PTPRA: variants seen among roughly 807,000 people sequenced by gnomAD.
PTPRA encodes receptor-type tyrosine-protein phosphatase alpha.
A neutral mutation model predicts 104.8 loss-of-function variants in PTPRA; 25 were observed. That is an observed-to-expected ratio of 0.24 (90% confidence interval 0.17 to 0.33). The LOEUF is 0.33. PTPRA is among the 10% of genes least tolerant of loss of function. PTPRA has a pLI of 1.00. For missense variants in PTPRA, 765 were observed against 1,015.3 expected (o/e 0.75, Z 3.35); for synonymous variants, 323 against 368.9 (o/e 0.88, Z 1.43).
intron 1 of PTPRA, among the ~76,000 whole-genome samples, chr20:2,893,774 A>G (rs1202545333): frequency 6.6e-6 from 1 of 152,174 alleles, no homozygotes; most frequent in Admixed American, 6.5e-5. Context: ...ACCAAAGAGT[A>G]TGTAAAAGCA....
chr20:2,866,089 A>C, the PTPRA span: 1 of 822,298 alleles, frequency 1.2e-6, no homozygotes. Flanking sequence ...GATTATATGT[A>C]CTGACGGGTG....
intron 2 of PTPRA, among the ~76,000 whole-genome samples, chr20:2,927,748 GC>G (rs1220220582): frequency 3.3e-5 from 5 of 152,156 alleles, no homozygotes; most frequent in Non-Finnish European, 7.3e-5. Context: ...GGTGGCTCAT[GC>G]CTGTAACCCC....
In PTPRA at chr20:3,022,346, C is replaced by T. The variant is rs925578141; in HGVS notation, c.1328+126C>T. ...AGTAGATGACCTACTGGGGCACCAGCGCAACAGCCAGAGACTCCAAGTTCT... is the reference window on the plus strand; with the variant it reads ...AGTAGATGACCTACTGGGGCACCAGTGCAACAGCCAGAGACTCCAAGTTCT... On this transcript the variant is annotated intron_variant, in intron 15 of 23. Coordinates refer to ENST00000399903, the MANE Select transcript of PTPRA (RefSeq NM_001385305.1). This position sits in a 1 kb window ranked among gnomAD's most constrained non-coding sequence, Gnocchi z 4.6. The T allele has an allele frequency of 8.1e-6, 10 of 1,234,484 alleles. No individual in the cohort carries two copies. Among genetic ancestry groups the T allele is most frequent in the South Asian group, 4.4e-5 (3 of 68,040 alleles). The allele number at this position is 1,234,484 out of a possible 1,614,324, so 76.5% of individuals were successfully genotyped here. A position where few individuals can be genotyped will look rare whatever the true frequency, so the allele number is the denominator to read the frequency against.
At chr20:2,984,049 T>G (rs1416304921) in intron 6 of PTPRA, among the ~76,000 whole-genome samples, 1 of 151,594 alleles carries the variant, frequency 6.6e-6, no homozygotes, top group East Asian at 1.9e-4. Flanking sequence ...GAGGAGTGTT[T>G]CGTTGTGGAA....
intron 17 of PTPRA, among the ~76,000 whole-genome samples, chr20:3,024,989 A>G (rs770462800): frequency 6.6e-6 from 1 of 152,270 alleles, no homozygotes; most frequent in Non-Finnish European, 1.5e-5. Context: ...AAAGGCAGCC[A>G]TAACCAATAG....
intron 2 of PTPRA, among the ~76,000 whole-genome samples, chr20:2,937,244 C>T (rs1435129321): frequency 6.6e-6 from 1 of 151,798 alleles, no homozygotes; most frequent in Non-Finnish European, 1.5e-5. Flanking sequence ...CTGCCTCAGC[C>T]CCTCCGAGTA....
chr20:2,874,348 AT>A (rs548056783), intron 1 of PTPRA, among the ~76,000 whole-genome samples: 1 of 151,860 alleles, frequency 6.6e-6, no homozygotes, highest in Non-Finnish European at 1.5e-5. Context: ...TAAATAAAAA[AT>A]TTTTTTTGAA....
At chr20:2,900,354 CCTGA>C (rs1196142025) in intron 1 of PTPRA, among the ~76,000 whole-genome samples, 2 of 152,090 alleles carry the variant, frequency 1.3e-5, no homozygotes, top group Non-Finnish European at 2.9e-5. Flanking sequence ...GTGACAATCT[CCTGA>C]CTATGTAGGC....
At chr20:2,942,276 A>G (rs555374149) in intron 2 of PTPRA, among the ~76,000 whole-genome samples, 1 of 152,174 alleles carries the variant, frequency 6.6e-6, no homozygotes, top group Non-Finnish European at 1.5e-5. Flanking sequence ...GTTGTGGTAT[A>G]ATTATAACAT....
At chr20:2,866,671 T>C in the PTPRA span, 4 of 1,537,078 alleles carry the variant, frequency 2.6e-6, no homozygotes, top group Non-Finnish European at 1.8e-6. Flanking sequence ...CCTAGAGCAA[T>C]GCTGAGGAGC....
At chr20:3,013,521 TC>T (rs1394289265) in intron 11 of PTPRA, among the ~76,000 whole-genome samples, 1 of 151,884 alleles carries the variant, frequency 6.6e-6, no homozygotes, top group African/African-American at 2.4e-5. Context: ...CAAGCAATTC[TC>T]CTGCCTCAGC....
At chr20:2,949,798 C>A (rs1308550285) in intron 3 of PTPRA, among the ~76,000 whole-genome samples, 1 of 151,178 alleles carries the variant, frequency 6.6e-6, no homozygotes, top group Admixed American at 6.6e-5. Flanking sequence ...TTTTTAAAAT[C>A]TTGAATTCAT....
At chr20:2,871,900 G>A (rs1178526449), upstream of PTPRA, among the ~76,000 whole-genome samples, 1 of 152,228 alleles carries the variant, frequency 6.6e-6, no homozygotes, top group East Asian at 1.9e-4. Flanking sequence ...GGCTGGCCCT[G>A]CTGAGAGGGA....
At chr20:2,998,705 G>C (rs1170373214) in intron 9 of PTPRA, among the ~76,000 whole-genome samples, 4 of 152,106 alleles carry the variant, frequency 2.6e-5, no homozygotes, top group Non-Finnish European at 4.4e-5. Context: ...TATTGGGTGA[G>C]AGTATTGAAA....
At chr20:2,890,417 T>C (rs952821770) in intron 1 of PTPRA, among the ~76,000 whole-genome samples, 1 of 152,210 alleles carries the variant, frequency 6.6e-6, no homozygotes, top group East Asian at 1.9e-4. Flanking sequence ...TGGGTTCAGC[T>C]GTAGTACTCT....
chr20:2,955,531 C>G, intron 3 of PTPRA: 1 of 719,048 alleles, frequency 1.4e-6, no homozygotes, highest in Non-Finnish European at 1.7e-6. Context: ...AAGGTCTCTT[C>G]TCTTGTTTTG....
chr20:2,872,774 C>T (rs1322275548), upstream of PTPRA, among the ~76,000 whole-genome samples: 3 of 152,200 alleles, frequency 2.0e-5, 1 homozygote, highest in Admixed American at 2.0e-4. The surrounding 1 kb of genome is among the most constrained non-coding windows in gnomAD (Gnocchi z 7.9). Flanking sequence ...GGAGGGCGCA[C>T]TCTGGCTCCT....
intron 5 of PTPRA, among the ~76,000 whole-genome samples, chr20:2,968,187 T>C (rs538440214): frequency 3.6e-4 from 55 of 152,316 alleles, no homozygotes; most frequent in Non-Finnish European, 6.5e-4. Flanking sequence ...CATCCTTACA[T>C]ATCTAAAAAT....
chr20:2,877,001 G>T (rs1178672606), intron 1 of PTPRA, among the ~76,000 whole-genome samples: 1 of 152,230 alleles, frequency 6.6e-6, no homozygotes, highest in Non-Finnish European at 1.5e-5. Flanking sequence ...AGTGCGGGTG[G>T]TGGTGGGTGT....
Sources: allele counts gnomAD v4.1 joint callset (sites outside exome capture counted in the v4.1 genomes callset), GRCh38; gene constraint gnomAD v4.1.1; non-coding constraint Gnocchi (gnomAD v3.1); transcripts MANE v1.5; gene names NCBI Gene and HGNC (gene_info 2026-07-23, HGNC 2026-07-21).